ARHGEF10: variants seen among roughly 807,000 people sequenced by gnomAD.
The protein encoded by ARHGEF10 is Rho guanine nucleotide exchange factor (GEF) 10.
Under a neutral mutation model 147.4 loss-of-function variants are expected in ARHGEF10, and 140 were observed. The observed-to-expected ratio is 0.95, with a 90% CI of 0.83 to 1.09. The LOEUF (loss-of-function observed/expected upper bound fraction) is 1.09. ARHGEF10 is among the 50% of genes least tolerant of loss of function. ARHGEF10 has a pLI of 0.00. For missense variants in ARHGEF10, 2,222 were observed against 1,752.7 expected (o/e 1.27, Z -4.78); for synonymous variants, 902 against 695.8 (o/e 1.30, Z -4.67).
chr8:1,828,325 C>A (rs755323060), intron 1 of ARHGEF10, among the ~76,000 whole-genome samples: 8 of 152,234 alleles, frequency 5.3e-5, no homozygotes, highest in South Asian at 2.1e-4. Flanking sequence ...TCTTAAAGTG[C>A]CTTCCTCCCT....
chr8:1,918,466 G>GTA (rs1352701540), intron 18 of ARHGEF10, among the ~76,000 whole-genome samples: 2 of 105,768 alleles, frequency 1.9e-5, no homozygotes, highest in Non-Finnish European at 4.0e-5. Context: ...ATGGCTGTGT[G>GTA]TGTGTGTGTG....
chr8:1,844,141 G>C (rs1038550602), intron 2 of ARHGEF10, among the ~76,000 whole-genome samples: 3 of 152,162 alleles, frequency 2.0e-5, no homozygotes, highest in Admixed American at 6.5e-5. Flanking sequence ...GGTCTGGGGG[G>C]TGATGGAGCT....
chr8:1,908,628 G>C (rs937641059), intron 17 of ARHGEF10, among the ~76,000 whole-genome samples: 1 of 152,208 alleles, frequency 6.6e-6, no homozygotes, highest in Non-Finnish European at 1.5e-5. Flanking sequence ...GGGATTTCCT[G>C]GGGCTGCGGG....
intron 22 of ARHGEF10, among the ~76,000 whole-genome samples, chr8:1,925,708 C>T (rs915287681): frequency 2.0e-5 from 3 of 152,182 alleles, no homozygotes; most frequent in African/African-American, 4.8e-5. Context: ...ATTTGTAGCT[C>T]TGTTTTGCCT....
intron 9 of ARHGEF10, among the ~76,000 whole-genome samples, chr8:1,880,811 A>T (rs746350885): frequency 3.9e-5 from 6 of 152,166 alleles, no homozygotes; most frequent in Non-Finnish European, 8.8e-5. Context: ...GTGATCATTC[A>T]TATGTGTTGA....
intron 16 of ARHGEF10, 58 bp from the exon 17 acceptor site, chr8:1,905,513 C>CT: frequency 1.2e-6 from 2 of 1,611,426 alleles, no homozygotes; most frequent in South Asian, 2.2e-5. Flanking sequence ...TTCTCCTCAT[C>CT]TTTTTCTTTT....
intron 18 of ARHGEF10, among the ~76,000 whole-genome samples, chr8:1,917,036 C>T (rs1446820577): frequency 6.6e-6 from 1 of 152,212 alleles, no homozygotes; most frequent in African/African-American, 2.4e-5. Flanking sequence ...CAGGACGTTC[C>T]TCATGATTGA....
At position 1,909,404 on chromosome 8, in the gene ARHGEF10, G is replaced by T; in HGVS notation, c.2077G>T (p.Glu693Ter). ...GTATGGCAGCAGCGCAGGCACGGGC[G>T]AGCACAGCAGGCACCTTGCCGTTCA... ...IEYGSSAGTG[E>*]HSRHLAVHPP... is the part of the protein sequence containing the mutation. Residue 693 changes from glutamate to a stop codon, truncating the protein, a stop_gained, in exon 18 of 29, where the codon GAG (glutamate) becomes TAG (stop). Coordinates refer to ENST00000349830, the MANE Select transcript of ARHGEF10 (RefSeq NM_014629.4). LOFTEE classifies it high-confidence loss of function. 6.2e-7 allele frequency: 1 copy of T among 1,614,116 alleles called. No individual in the cohort carries two copies. The highest frequency in any genetic ancestry group is 8.5e-7 in the Non-Finnish European group (1 of 1,180,040).
At chr8:1,915,652 T>A (rs993543256) in intron 18 of ARHGEF10, among the ~76,000 whole-genome samples, 2 of 152,256 alleles carry the variant, frequency 1.3e-5, no homozygotes, top group Non-Finnish European at 2.9e-5. Context: ...CGTCACTGTG[T>A]CTGTTTATAT....
intron 4 of ARHGEF10, among the ~76,000 whole-genome samples, chr8:1,862,026 G>C (rs1435708951): frequency 6.6e-6 from 1 of 152,148 alleles, no homozygotes; most frequent in East Asian, 1.9e-4. Flanking sequence ...TTCTAATAAA[G>C]ACTATTTTAA....
At chr8:1,898,960 G>A (rs1009377442) in intron 15 of ARHGEF10, among the ~76,000 whole-genome samples, 10 of 152,212 alleles carry the variant, frequency 6.6e-5, no homozygotes, top group African/African-American at 2.4e-4. Context: ...GACAAGCTTG[G>A]AAAGCTAAGA....
At chr8:1,827,376 T>A (rs906170629) in intron 1 of ARHGEF10, among the ~76,000 whole-genome samples, 13 of 152,232 alleles carry the variant, frequency 8.5e-5, no homozygotes, top group African/African-American at 3.1e-4. Context: ...GTGGAGAGAT[T>A]CGGCTTGCTG....
At chr8:1,929,787 G>GGGGCCTCCTGTACCTGGGCC (rs1320989321) in intron 25 of ARHGEF10, among the ~76,000 whole-genome samples, 3 of 152,120 alleles carry the variant, frequency 2.0e-5, no homozygotes, top group Admixed American at 2.0e-4. Flanking sequence ...CCCGCCCGGC[G>GGGGCCTCCTGTACCTGGGCC]GGGCCTCCTG....
chr8:1,846,537 C>T (rs553829023), intron 2 of ARHGEF10, among the ~76,000 whole-genome samples: 15 of 152,286 alleles, frequency 9.8e-5, no homozygotes, highest in African/African-American at 3.4e-4. Context: ...TTTTTTTCCC[C>T]ATATTTCTTT....
At chr8:1,856,419 T>C (rs1458650308) in intron 2 of ARHGEF10, among the ~76,000 whole-genome samples, 1 of 152,204 alleles carries the variant, frequency 6.6e-6, no homozygotes, top group African/African-American at 2.4e-5. Context: ...GGCCCCTCTG[T>C]GTATTTGTGG....
At chr8:1,926,354 C>A in intron 22 of ARHGEF10, 23 bp from the exon 23 acceptor site, 1 of 1,590,604 alleles carries the variant, frequency 6.3e-7, no homozygotes. Flanking sequence ...TATATGTGAG[C>A]GTTTGATTTT....
At chr8:1,854,203 C>T (rs1805373686) in intron 2 of ARHGEF10, among the ~76,000 whole-genome samples, 1 of 152,234 alleles carries the variant, frequency 6.6e-6, no homozygotes, top group Non-Finnish European at 1.5e-5. Context: ...GCACACACCA[C>T]CTTGAACGCC....
intron 2 of ARHGEF10, among the ~76,000 whole-genome samples, chr8:1,851,173 GGC>G (rs1805111427): frequency 6.8e-6 from 1 of 147,928 alleles, no homozygotes; most frequent in Non-Finnish European, 1.5e-5. Context: ...GCACACCGTG[GGC>G]TTTAGTTAGC....
At position 1,894,464 on chromosome 8, in the gene ARHGEF10, C is replaced by T; in HGVS notation, c.1332C>T (p.Tyr444=). 3 of 1,614,206 alleles carry T rather than the reference C, an allele frequency of 1.9e-6. No homozygotes were observed. The highest frequency in any genetic ancestry group is 1.3e-5 in the African/African-American group (1 of 75,054). ...AGAGGAAGCTGAAGACGGTGTTCTACCGAGTCAAAGAGATCCTGCAGTGCC... is the reference window on the plus strand; with the variant it reads ...AGAGGAAGCTGAAGACGGTGTTCTATCGAGTCAAAGAGATCCTGCAGTGCC... ...LSERKLKTVF[Y]RVKEILQCHS... The change falls in exon 13 of 29, where the codon TAC becomes TAT. Residue 444 remains tyrosine, a synonymous_variant. Coordinates refer to ENST00000349830, the MANE Select transcript of ARHGEF10 (RefSeq NM_014629.4).
Sources: allele counts gnomAD v4.1 joint callset (sites outside exome capture counted in the v4.1 genomes callset), GRCh38; gene constraint gnomAD v4.1.1; transcripts MANE v1.5; gene names NCBI Gene and HGNC (gene_info 2026-07-23, HGNC 2026-07-21).